The following RASSF8 variants were observed in gnomAD, a reference collection of about 807,000 sequenced individuals.
The protein encoded by RASSF8 is ras association domain-containing protein 8.
In RASSF8, 22 loss-of-function variants were observed where a neutral mutation model predicts 48.5. The ratio of observed to expected loss-of-function variants is 0.45; its 90% CI spans 0.32 to 0.65. The LOEUF (loss-of-function observed/expected upper bound fraction) is 0.65. Ranked by LOEUF, RASSF8 falls within the 30% of genes least tolerant of loss-of-function variation. RASSF8 has a pLI of 0.03. For synonymous variants in RASSF8, 127 were observed against 171.5 expected (o/e 0.74, Z 2.03); for missense variants, 418 against 489.2 (o/e 0.85, Z 1.37).
At chr12:26,063,088 A>C (rs1324579138) in intron 3 of RASSF8, among the ~76,000 whole-genome samples, 4 of 152,228 alleles carry the variant, frequency 2.6e-5, no homozygotes, top group Non-Finnish European at 5.9e-5. Flanking sequence ...CAGTAATTGC[A>C]AAAATACTAC....
At chr12:26,011,534 ATGTT>A (rs1442283886) in intron 2 of RASSF8, among the ~76,000 whole-genome samples, 1 of 152,138 alleles carries the variant, frequency 6.6e-6, no homozygotes, top group Non-Finnish European at 1.5e-5. Flanking sequence ...TGTGGTTTGA[ATGTT>A]TGTGTATCTC....
intron 3 of RASSF8, among the ~76,000 whole-genome samples, chr12:26,059,662 T>A (rs2137269353): frequency 6.6e-6 from 1 of 152,330 alleles, no homozygotes; most frequent in South Asian, 2.1e-4. Flanking sequence ...ATTTTAATAT[T>A]TATAACAATA....
chr12:25,962,337 G>T (rs1273456966), intron 1 of RASSF8, among the ~76,000 whole-genome samples: 1 of 152,086 alleles, frequency 6.6e-6, no homozygotes, highest in Admixed American at 6.5e-5. Flanking sequence ...TCTCATAAAG[G>T]TCTTCTCTGA....
chr12:25,969,124 C>G (rs907357046), intron 1 of RASSF8, among the ~76,000 whole-genome samples: 1 of 152,160 alleles, frequency 6.6e-6, no homozygotes, highest in Non-Finnish European at 1.5e-5. Context: ...GGTCCCTATA[C>G]CTTAGGCCTT....
rs190930416 is a variant in RASSF8 at position 25,964,677 on chromosome 12, T to A, written c.-203+5529T>A. 1.6e-3 allele frequency among the ~76,000 whole-genome samples: 244 copies of A among 152,318 alleles called. 1 individual carries two copies. Among genetic ancestry groups the A allele is most frequent in the African/African-American group, 5.5e-3 (230 of 41,568 alleles). On this transcript the variant is annotated intron_variant, in intron 1 of 5. Coordinates refer to ENST00000689635, the MANE Select transcript of RASSF8 (RefSeq NM_001394098.1). ...ATTGGGATTCTCTTTAATGGATAGA[T>A]ATTGGGCAGAAAGTAAGGTTTTACC...
intron 2 of RASSF8, 89 bp from the exon 3 acceptor site, chr12:26,055,147 T>A (rs1943574453): frequency 5.3e-6 from 3 of 568,334 alleles, no homozygotes; most frequent in Admixed American, 3.0e-5. Flanking sequence ...GATTATGATA[T>A]GTTAAAATTT....
intron 2 of RASSF8, among the ~76,000 whole-genome samples, chr12:26,013,526 A>G (rs138716806): frequency 6.7e-4 from 102 of 152,338 alleles, no homozygotes; most frequent in East Asian, 2.9e-3. Context: ...GTAAAATCAT[A>G]GTAATAACAC....
At chr12:25,989,264 A>C (rs1355900733) in intron 1 of RASSF8, among the ~76,000 whole-genome samples, 1 of 152,098 alleles carries the variant, frequency 6.6e-6, no homozygotes, top group Non-Finnish European at 1.5e-5. Context: ...CTTGATGTAA[A>C]CCTTTAGTAT....
chr12:25,984,224 CTT>C lies in RASSF8; in HGVS notation c.-202-10788_-202-10787del, dbSNP rs57275940. On this transcript the variant is annotated intron_variant, in intron 1 of 5. Coordinates refer to ENST00000689635, the MANE Select transcript of RASSF8 (RefSeq NM_001394098.1). ...TACAGATGTGCACTGCTACACGTAG[CTT>C]TTTTTTTTTTTTTTTTTTTTTTTTA... Among the ~76,000 whole-genome samples, 61 of 86,724 alleles carry C rather than the reference CTT, an allele frequency of 7.0e-4. 1 individual carries two copies. The highest frequency in any genetic ancestry group is 2.7e-3 in the African/African-American group (60 of 22,154). 56.9% of individuals were successfully genotyped at this position (86,724 alleles called of 152,430 possible). A position where few individuals can be genotyped will look rare whatever the true frequency, so the allele number is the denominator to read the frequency against.
chr12:26,024,545 A>C (rs1232752165), intron 2 of RASSF8, among the ~76,000 whole-genome samples: 1 of 152,256 alleles, frequency 6.6e-6, no homozygotes, highest in Non-Finnish European at 1.5e-5. Flanking sequence ...AAATAAATAC[A>C]GATGCAAAAA....
At chr12:25,965,950 T>A (rs1069974) in intron 1 of RASSF8, among the ~76,000 whole-genome samples, 139,088 of 152,266 alleles carry the variant, frequency 0.91, 63,554 homozygotes, top group East Asian at 0.99. Context: ...GAACATTAGA[T>A]TTGTTGCTAA....
At chr12:26,002,684 A>C (rs1443002491) in intron 2 of RASSF8, among the ~76,000 whole-genome samples, 1 of 152,158 alleles carries the variant, frequency 6.6e-6, no homozygotes, top group Non-Finnish European at 1.5e-5. Context: ...CTGACACAGG[A>C]GAATCACTTG....
At chr12:26,047,954 T>C (rs557634393) in intron 2 of RASSF8, among the ~76,000 whole-genome samples, 39 of 152,250 alleles carry the variant, frequency 2.6e-4, no homozygotes, top group Non-Finnish European at 4.1e-4. Context: ...TTTTGGGTAA[T>C]GAAATGTGAG....
intron 5 of RASSF8, chr12:26,078,960 A>T (rs2137359260): frequency 7.0e-7 from 1 of 1,418,612 alleles, no homozygotes; most frequent in Non-Finnish European, 9.4e-7. Flanking sequence ...TGAGATCATG[A>T]TTATGTATAC....
In RASSF8 at chr12:26,071,856, C is replaced by A. The variant is rs1435147267; in HGVS notation, c.*3038C>A. On this transcript the variant is annotated 3_prime_UTR_variant, in exon 6 of 6. Coordinates refer to ENST00000689635, the MANE Select transcript of RASSF8 (RefSeq NM_001394098.1). ...TTATGGTGTGAAATATGAAGTATAG[C>A]AATATATAACAAGAACATGTAAGCA... 1 of 983,606 alleles carries A rather than the reference C, an allele frequency of 1.0e-6. No individual in the cohort carries two copies. The highest frequency in any genetic ancestry group is 1.2e-6 in the Non-Finnish European group (1 of 828,580). The allele number at this position is 983,606 out of a possible 1,614,324, so 60.9% of individuals were successfully genotyped here. A position where few individuals can be genotyped will look rare whatever the true frequency, so the allele number is the denominator to read the frequency against.
intron 3 of RASSF8, among the ~76,000 whole-genome samples, chr12:26,059,352 C>T (rs1463725505): frequency 6.6e-6 from 1 of 152,152 alleles, no homozygotes; most frequent in African/African-American, 2.4e-5. Flanking sequence ...TGTACTTTGT[C>T]ATATTTAACT....
intron 2 of RASSF8, 49 bp from the exon 3 acceptor site, chr12:26,055,187 A>G (rs1943575433): frequency 1.6e-6 from 1 of 635,122 alleles, no homozygotes; most frequent in South Asian, 1.9e-5. Context: ...TACTTACTAG[A>G]AGAAATGTTG....
At chr12:26,067,361 T>C (rs764666043) in intron 4 of RASSF8, among the ~76,000 whole-genome samples, 4 of 152,210 alleles carry the variant, frequency 2.6e-5, no homozygotes, top group Non-Finnish European at 5.9e-5. Context: ...AACTGTTGTC[T>C]TCCCTTGGCT....
intron 3 of RASSF8, among the ~76,000 whole-genome samples, chr12:26,063,442 G>T (rs1277854100): frequency 1.3e-5 from 2 of 151,880 alleles, no homozygotes; most frequent in African/African-American, 4.8e-5. Context: ...CTGTCACCCA[G>T]GCTGGAGTGC....
Sources: gnomAD v4.1 joint callset for allele counts (sites outside exome capture counted in the v4.1 genomes callset) on GRCh38, gnomAD v4.1.1 for gene constraint, MANE v1.5 for transcripts, NCBI Gene and HGNC (gene_info 2026-07-23, HGNC 2026-07-21) for gene names.